Variants in ABCC1 observed in about 807,000 individuals in gnomAD.
ABCC1 encodes ATP binding cassette subfamily C member 1 (ABCC1 blood group).
ABCC1 carries 83 observed loss-of-function variants against 172.9 expected under a neutral mutation model. The observed-to-expected ratio is 0.48, with a 90% CI of 0.40 to 0.58. The LOEUF is 0.58. Among genes scored for constraint, ABCC1 ranks in the 20% least tolerant of loss-of-function variants. The probability of loss-of-function intolerance (pLI) is 0.00; values close to 1 mark genes in which losing one functional copy is unlikely to be tolerated. For synonymous variants in ABCC1, 937 were observed against 825.2 expected, an observed-to-expected ratio of 1.14 and a Z score of -2.32; for missense variants, 1,817 against 2,002.7, an observed-to-expected ratio of 0.91 and a Z score of 1.77.
chr16:15,999,759 C>T (rs1287577361), intron 1 of ABCC1, among the ~76,000 whole-genome samples: 1 of 129,326 alleles, frequency 7.7e-6, no homozygotes, highest in Non-Finnish European at 1.7e-5. Flanking sequence ...AGCCTCTGTG[C>T]CCGGCCTCTT....
rs573778359 is a variant in ABCC1 at position 16,137,622 on chromosome 16, A to G, written c.4293-742A>G. On this transcript the variant is annotated intron_variant, in intron 29 of 30. Coordinates refer to ENST00000399410, the MANE Select transcript of ABCC1 (RefSeq NM_004996.4). ...ACCCAGGCTGGAGTGCAGTGGCGCA[A>G]TCTCATCTGCAACCTCCGCCCCCAG... 3.8e-5 allele frequency among the ~76,000 whole-genome samples: 5 copies of G among 132,730 alleles called. No individual in the cohort carries two copies. In the South Asian group the frequency reaches 9.6e-4, roughly 26 times the overall value. The allele number at this position is 132,730 out of a possible 152,430, so 87.1% of individuals were successfully genotyped here. A position where few individuals can be genotyped will look rare whatever the true frequency, so the allele number is the denominator to read the frequency against.
chr16:16,053,485 T>A (rs2049515628), intron 11 of ABCC1, among the ~76,000 whole-genome samples: 1 of 151,870 alleles, frequency 6.6e-6, no homozygotes, highest in African/African-American at 2.4e-5. Flanking sequence ...AATAGAGTGA[T>A]GTTTCTTATT....
intron 12 of ABCC1, among the ~76,000 whole-genome samples, chr16:16,058,554 CT>C (rs998580887): frequency 6.6e-6 from 1 of 152,210 alleles, no homozygotes; most frequent in African/African-American, 2.4e-5. Flanking sequence ...TTTTCTTAGT[CT>C]TGCCTTACTT....
chr16:15,958,349 A>G (rs2046049858), intron 1 of ABCC1, among the ~76,000 whole-genome samples: 1 of 151,896 alleles, frequency 6.6e-6, no homozygotes, highest in Admixed American at 6.6e-5. Context: ...CAAGTGGATC[A>G]CTTGAGTTCC....
intron 17 of ABCC1, among the ~76,000 whole-genome samples, chr16:16,086,146 C>T (rs377224388): frequency 3.0e-4 from 46 of 152,338 alleles, no homozygotes; most frequent in African/African-American, 9.6e-4. Context: ...TAAGGGATCA[C>T]GGCCTTCCCA....
rs1399168304 is a variant in ABCC1, at chr16:16,043,142, C to T, written c.810-1308C>T. Among the ~76,000 whole-genome samples the T allele has an allele frequency of 2.7e-5, 4 of 150,498 alleles. No individual in the cohort carries two copies. In the East Asian group the frequency reaches 7.8e-4, roughly 30 times the overall value. On this transcript the variant is annotated intron_variant, in intron 7 of 30. Transcript: ENST00000399410. Reference sequence around the variant, plus strand: ...CCTCCCGAAGTGCTGGCATTACAGGCATGAACCACTGCACCCAGTCAAAAA... The same window carrying T: ...CCTCCCGAAGTGCTGGCATTACAGGTATGAACCACTGCACCCAGTCAAAAA...
chr16:15,971,548 T>C (rs1227289639), intron 1 of ABCC1, among the ~76,000 whole-genome samples: 2 of 152,208 alleles, frequency 1.3e-5, no homozygotes, highest in African/African-American at 4.8e-5. Context: ...ACTCCTACAT[T>C]ACCCCCTGTG....
At position 16,122,184 on chromosome 16, in the gene ABCC1, G is replaced by A; in HGVS notation, c.3590+10G>A. 1 of 1,613,978 alleles carries A rather than the reference G, an allele frequency of 6.2e-7. No individual in the cohort carries two copies. The highest frequency in any genetic ancestry group is 8.5e-7 in the Non-Finnish European group (1 of 1,179,890). Reference sequence around the variant, plus strand: ...GCATCGTGGCCAACAGGTGGGCATGGTGGGCCTGCAGGAGCGGGTGGAGGA... The same window carrying A: ...GCATCGTGGCCAACAGGTGGGCATGATGGGCCTGCAGGAGCGGGTGGAGGA... On this transcript the variant is annotated intron_variant, in intron 24 of 30. Transcript: ENST00000399410.
chr16:15,958,706 A>G (rs1041004146), intron 1 of ABCC1, among the ~76,000 whole-genome samples: 12 of 152,316 alleles, frequency 7.9e-5, no homozygotes, highest in Admixed American at 4.6e-4. Context: ...GCTTAGCAAG[A>G]AAACTGGGAT....
chr16:16,059,633 C>T (rs561204259), intron 12 of ABCC1, among the ~76,000 whole-genome samples: 72 of 152,112 alleles, frequency 4.7e-4, no homozygotes, highest in African/African-American at 1.7e-3. Flanking sequence ...GGTGAAACCC[C>T]GTCTATACTA....
intron 10 of ABCC1, among the ~76,000 whole-genome samples, chr16:16,051,891 T>G (rs1335717747): frequency 2.6e-5 from 4 of 152,092 alleles, no homozygotes; most frequent in Non-Finnish European, 5.9e-5. Context: ...GGAAAAGCAA[T>G]CAGGTGGTCG....
At chr16:16,100,785 A>G (rs931136065) in intron 19 of ABCC1, among the ~76,000 whole-genome samples, 1 of 152,218 alleles carries the variant, frequency 6.6e-6, no homozygotes, top group East Asian at 1.9e-4. Flanking sequence ...CCTCTCGCAA[A>G]TGAAGGTTGG....
intron 1 of ABCC1, among the ~76,000 whole-genome samples, chr16:15,974,873 G>A (rs1269723660): frequency 6.6e-6 from 1 of 152,096 alleles, no homozygotes; most frequent in Non-Finnish European, 1.5e-5. Context: ...TGTAGCCTCC[G>A]TCTCCTGGGT....
chr16:16,005,019 CT>C (rs34044736), intron 1 of ABCC1, among the ~76,000 whole-genome samples: 72,648 of 145,542 alleles, frequency 0.5, 18,911 homozygotes, highest in Non-Finnish European at 0.59. Flanking sequence ...CAGATTGACA[CT>C]TTTTTTTTTA....
intron 19 of ABCC1, among the ~76,000 whole-genome samples, chr16:16,100,320 G>C (rs4148363): frequency 0.14 from 21,851 of 151,706 alleles, 1,782 homozygotes; most frequent in Middle Eastern, 0.24. Flanking sequence ...AGAAGTGAAG[G>C]CTGAGGCTTA....
intron 14 of ABCC1, among the ~76,000 whole-genome samples, chr16:16,072,806 C>A (rs976656749): frequency 2.6e-5 from 4 of 151,896 alleles, no homozygotes; most frequent in Admixed American, 2.6e-4. Context: ...CTTTGGGGAG[C>A]TGAGGCAGGT....
intron 12 of ABCC1, among the ~76,000 whole-genome samples, chr16:16,063,001 C>T (rs2049977212): frequency 6.6e-6 from 1 of 152,184 alleles, no homozygotes; most frequent in Non-Finnish European, 1.5e-5. Flanking sequence ...TAGAATAATT[C>T]ATCATTCTCT....
chr16:16,050,707 A>G (rs1308588030), intron 10 of ABCC1, among the ~76,000 whole-genome samples: 1 of 147,250 alleles, frequency 6.8e-6, no homozygotes, highest in Non-Finnish European at 1.5e-5. Context: ...AGCCTGGGCA[A>G]CATAGTGAGA....
At chr16:16,068,130 G>T (rs751434297) in intron 12 of ABCC1, 26 bp from the exon 13 acceptor site, 1 of 1,613,658 alleles carries the variant, frequency 6.2e-7, no homozygotes, top group Non-Finnish European at 8.5e-7. Context: ...GGGCACAGCA[G>T]TCAGCACTGG....
Sources: gnomAD v4.1 joint callset for allele counts (sites outside exome capture counted in the v4.1 genomes callset) on GRCh38, gnomAD v4.1.1 for gene constraint, MANE v1.5 for transcripts, NCBI Gene and HGNC (gene_info 2026-07-23, HGNC 2026-07-21) for gene names.